Variants in MBD5 observed in about 807,000 individuals in gnomAD.
The protein encoded by MBD5 is methyl-CpG binding domain protein 5.
Under a neutral mutation model 117.3 loss-of-function variants are expected in MBD5, and 13 were observed. The observed-to-expected ratio is 0.11, with a 90% CI of 0.07 to 0.18. The LOEUF (loss-of-function observed/expected upper bound fraction) is 0.18, where lower values mean the gene tolerates loss of function less well. MBD5 is among the 10% of genes least tolerant of loss of function. The pLI, the probability that MBD5 is intolerant of heterozygous loss-of-function variation, is 1.00. For missense variants in MBD5, 1,879 were observed against 2,093.8 expected (o/e 0.90, Z 2.00); for synonymous variants, 727 against 766.4 (o/e 0.95, Z 0.85).
intron 1 of MBD5, among the ~76,000 whole-genome samples, chr2:148,045,519 T>C (rs1352381622): frequency 6.6e-6 from 1 of 152,232 alleles, no homozygotes; most frequent in Non-Finnish European, 1.5e-5. Context: ...GATGCTTGTA[T>C]GTATGGCATT....
At chr2:148,185,150 A>G (rs1698623399) in intron 2 of MBD5, among the ~76,000 whole-genome samples, 1 of 152,190 alleles carries the variant, frequency 6.6e-6, no homozygotes, top group African/African-American at 2.4e-5. Context: ...GCAGAACTCC[A>G]ATAGTTCATT....
chr2:148,343,933 T>C (rs1364078349), intron 4 of MBD5, among the ~76,000 whole-genome samples: 1 of 152,122 alleles, frequency 6.6e-6, no homozygotes, highest in African/African-American at 2.4e-5. Context: ...ACCATTCTTA[T>C]AGTTTGAGTT....
rs151199271 is a variant in MBD5 at position 148,369,257 on chromosome 2, C to A, written c.-557+26921C>A. 5.3e-5 allele frequency among the ~76,000 whole-genome samples: 8 copies of A among 151,158 alleles called. No individual in the cohort carries two copies. In the East Asian group the frequency reaches 1.6e-3, roughly 29 times the overall value. On this transcript the variant is annotated intron_variant, in intron 4 of 13. Transcript: ENST00000642680. ...AAAGTAGGAAACTGAAGACACTTAACAACTAAATGTCATGTGATAATTGAT... is the reference window on the plus strand; with the variant it reads ...AAAGTAGGAAACTGAAGACACTTAAAAACTAAATGTCATGTGATAATTGAT...
chr2:148,507,194 T>C (rs1214803623), intron 12 of MBD5, among the ~76,000 whole-genome samples: 1 of 152,244 alleles, frequency 6.6e-6, no homozygotes, highest in Non-Finnish European at 1.5e-5. Flanking sequence ...ACAAAACTCA[T>C]GAAATTGTTT....
chr2:148,038,353 A>G (rs1258137889), intron 1 of MBD5, among the ~76,000 whole-genome samples: 2 of 152,034 alleles, frequency 1.3e-5, no homozygotes, highest in Non-Finnish European at 2.9e-5. Flanking sequence ...AAAATTTCTA[A>G]ACAGGAGTCT....
At chr2:148,082,957 A>T (rs983015010) in intron 1 of MBD5, among the ~76,000 whole-genome samples, 2 of 152,208 alleles carry the variant, frequency 1.3e-5, no homozygotes, top group Non-Finnish European at 2.9e-5. Context: ...GATCTCCTAT[A>T]GTCCTTCAAT....
chr2:148,200,796 A>G lies in MBD5; in HGVS notation c.-831+22003A>G, dbSNP rs186784327. Among the ~76,000 whole-genome samples, 8 of 150,968 alleles carry G rather than the reference A, an allele frequency of 5.3e-5. No individual in the cohort carries two copies. The East Asian group carries it at 1.2e-3, about 22-fold the overall frequency. On this transcript the variant is annotated intron_variant, in intron 2 of 13. Transcript: ENST00000642680. Reference sequence around the variant, plus strand: ...AAAAATACTTCGCACATCATTAAGGAACACTTTAAATGTAAGAACTTCTAA... The same window carrying G: ...AAAAATACTTCGCACATCATTAAGGGACACTTTAAATGTAAGAACTTCTAA...
intron 4 of MBD5, among the ~76,000 whole-genome samples, chr2:148,388,395 A>T (rs1282279123): frequency 6.6e-6 from 1 of 152,158 alleles, no homozygotes; most frequent in East Asian, 1.9e-4. Flanking sequence ...AAAGAATACA[A>T]TGTTTTCCTG....
chr2:148,390,627 G>GTT (rs1338128901), intron 4 of MBD5, among the ~76,000 whole-genome samples: 1 of 151,452 alleles, frequency 6.6e-6, no homozygotes, highest in Non-Finnish European at 1.5e-5. Flanking sequence ...CCAGGCTGGA[G>GTT]TATAATGGCA....
chr2:148,510,601 G>A (rs1283631887), intron 13 of MBD5, among the ~76,000 whole-genome samples: 2 of 152,140 alleles, frequency 1.3e-5, no homozygotes, highest in Non-Finnish European at 2.9e-5. Context: ...AAGTTTAATC[G>A]TTATGCTCCA....
intron 4 of MBD5, among the ~76,000 whole-genome samples, chr2:148,425,669 A>G (rs1382889323): frequency 2.0e-5 from 3 of 152,218 alleles, no homozygotes; most frequent in Non-Finnish European, 2.9e-5. Flanking sequence ...CCAGCAGCAC[A>G]TCAAAAAGCT....
intron 4 of MBD5, among the ~76,000 whole-genome samples, chr2:148,361,885 G>T (rs1440192180): frequency 6.6e-6 from 1 of 152,180 alleles, no homozygotes; most frequent in African/African-American, 2.4e-5. Flanking sequence ...AGCACAAGGG[G>T]TTGGGGAACT....
chr2:148,244,356 A>G (rs1700287446), intron 3 of MBD5: 1 of 152,154 alleles, frequency 6.6e-6, no homozygotes, highest in Admixed American at 6.6e-5. Context: ...TTTACTAATA[A>G]AGGGTGGGTA....
At chr2:148,061,602 T>C (rs1418250316) in intron 1 of MBD5, among the ~76,000 whole-genome samples, 2 of 151,964 alleles carry the variant, frequency 1.3e-5, no homozygotes, top group Non-Finnish European at 1.5e-5. Context: ...TTAGGTTGTT[T>C]ACAGTATTTC....
intron 1 of MBD5, among the ~76,000 whole-genome samples, chr2:148,125,621 TC>T (rs563462058): frequency 2.0e-5 from 3 of 152,322 alleles, no homozygotes; most frequent in South Asian, 4.1e-4. Flanking sequence ...ATCTTTGGTG[TC>T]ATCTTGGAAG....
intron 3 of MBD5, among the ~76,000 whole-genome samples, chr2:148,235,775 A>G (rs1312249340): frequency 1.4e-5 from 2 of 147,392 alleles, no homozygotes; most frequent in Admixed American, 1.4e-4. Flanking sequence ...CTTAATTTTA[A>G]AATAGTTTTC....
At chr2:148,231,354 G>A (rs1203653268) in intron 2 of MBD5, among the ~76,000 whole-genome samples, 1 of 152,088 alleles carries the variant, frequency 6.6e-6, no homozygotes, top group African/African-American at 2.4e-5. Flanking sequence ...TGAGCTCAGT[G>A]CCTCATAAAT....
intron 1 of MBD5, among the ~76,000 whole-genome samples, chr2:148,172,971 TCC>T (rs1698297014): frequency 2.6e-5 from 4 of 151,598 alleles, no homozygotes; most frequent in African/African-American, 9.7e-5. Flanking sequence ...ACTTCAGATC[TCC>T]TGAGAGCTGC....
chr2:148,391,006 T>A (rs1704556887), intron 4 of MBD5, among the ~76,000 whole-genome samples: 1 of 152,336 alleles, frequency 6.6e-6, no homozygotes, highest in Admixed American at 6.5e-5. Flanking sequence ...AAAAGGTCTA[T>A]ATAGGATAGG....
Sources: gnomAD v4.1 joint callset for allele counts (sites outside exome capture counted in the v4.1 genomes callset) on GRCh38, gnomAD v4.1.1 for gene constraint, MANE v1.5 for transcripts, NCBI Gene and HGNC (gene_info 2026-07-23, HGNC 2026-07-21) for gene names.